RFX3: variants seen among roughly 807,000 people sequenced by gnomAD.
The protein encoded by RFX3 is transcription factor RFX3.
RFX3 carries 14 observed loss-of-function variants against 98.6 expected under a neutral mutation model. That is an observed-to-expected ratio of 0.14 (90% CI 0.09 to 0.22). The LOEUF (loss-of-function observed/expected upper bound fraction) is 0.22. Ranked by LOEUF, RFX3 falls within the 10% of genes least tolerant of loss-of-function variation. RFX3 has a pLI of 1.00. For missense variants in RFX3, 639 were observed against 926.9 expected (o/e 0.69, Z 4.03); for synonymous variants, 383 against 328.4 (o/e 1.17, Z -1.80).
At chr9:3,228,379 C>A (rs1425457551) in intron 16 of RFX3, among the ~76,000 whole-genome samples, 1 of 152,160 alleles carries the variant, frequency 6.6e-6, no homozygotes. Flanking sequence ...CCTTTTTCAT[C>A]TATACCACTA....
intron 1 of RFX3, among the ~76,000 whole-genome samples, chr9:3,462,175 C>A (rs888233000): frequency 1.3e-5 from 2 of 151,910 alleles, no homozygotes; most frequent in African/African-American, 4.8e-5. Flanking sequence ...AGACAAATAA[C>A]AAAATATCTG....
intron 1 of RFX3, among the ~76,000 whole-genome samples, chr9:3,492,478 G>T (rs944477942): frequency 1.3e-5 from 2 of 152,192 alleles, no homozygotes; most frequent in African/African-American, 4.8e-5. Context: ...TGCTCCCCGA[G>T]TCCTTCAGAC....
At chr9:3,417,239 T>A (rs1480226302) in intron 1 of RFX3, among the ~76,000 whole-genome samples, 1 of 151,952 alleles carries the variant, frequency 6.6e-6, no homozygotes, top group Non-Finnish European at 1.5e-5. Flanking sequence ...AATAATAAAA[T>A]GCAGTATTAT....
intron 15 of RFX3, among the ~76,000 whole-genome samples, chr9:3,236,765 T>C (rs1819210030): frequency 6.6e-6 from 1 of 152,148 alleles, no homozygotes; most frequent in African/African-American, 2.4e-5. Context: ...TATGTGAAAA[T>C]GTTAACCAGA....
chr9:3,505,886 T>A (rs927712510), intron 1 of RFX3, among the ~76,000 whole-genome samples: 1 of 151,762 alleles, frequency 6.6e-6, no homozygotes, highest in East Asian at 1.9e-4. Flanking sequence ...ATTGTTTGAA[T>A]GTGAGTTCCT....
chr9:3,409,099 A>G (rs969562444), intron 1 of RFX3, among the ~76,000 whole-genome samples: 2 of 152,250 alleles, frequency 1.3e-5, no homozygotes, highest in Non-Finnish European at 2.9e-5. Context: ...GTAATCCAGC[A>G]CTGTGGCCTA....
At chr9:3,367,944 A>G (rs1837396201) in intron 2 of RFX3, among the ~76,000 whole-genome samples, 1 of 152,204 alleles carries the variant, frequency 6.6e-6, no homozygotes, top group Admixed American at 6.5e-5. Flanking sequence ...TTGAAAATCT[A>G]TTTCACAAGA....
At chr9:3,330,649 A>T in intron 3 of RFX3, 132 bp from the exon 4 acceptor site, 1 of 766,114 alleles carries the variant, frequency 1.3e-6, no homozygotes, top group South Asian at 1.9e-5. Context: ...CGCATTTTGT[A>T]CAAAACTTCA....
At chr9:3,447,121 C>T (rs1028469529) in intron 1 of RFX3, among the ~76,000 whole-genome samples, 3 of 151,984 alleles carry the variant, frequency 2.0e-5, no homozygotes, top group African/African-American at 7.2e-5. Context: ...AAAATTCACA[C>T]CTTGATAATT....
At chr9:3,246,957 A>AT in intron 15 of RFX3, 6 of 603,108 alleles carry the variant, frequency 9.9e-6, no homozygotes, top group Non-Finnish European at 1.2e-5. Flanking sequence ...ATACTAGAAT[A>AT]TTAGGGAGGT....
At chr9:3,446,248 T>G (rs1203215906) in intron 1 of RFX3, among the ~76,000 whole-genome samples, 4 of 152,106 alleles carry the variant, frequency 2.6e-5, no homozygotes. Context: ...GGTATACAAG[T>G]TGCCATAACT....
chr9:3,266,179 A>T (rs777710236), intron 12 of RFX3, 29 bp downstream of exon 12: 2 of 1,374,054 alleles, frequency 1.5e-6, no homozygotes, highest in Non-Finnish European at 2.1e-6. Context: ...TCCTCAACAC[A>T]AAAGAAAAAG....
At chr9:3,484,866 T>A (rs1850111856) in intron 1 of RFX3, among the ~76,000 whole-genome samples, 1 of 151,904 alleles carries the variant, frequency 6.6e-6, no homozygotes, top group African/African-American at 2.4e-5. Context: ...GAAGGCTCAC[T>A]TGAGGACAGG....
chr9:3,413,532 C>G (rs35079722), intron 1 of RFX3, among the ~76,000 whole-genome samples: 12,730 of 152,042 alleles, frequency 0.084, 569 homozygotes, highest in East Asian at 0.1. Context: ...TTCAGTTTAA[C>G]TTAACAAGAC....
At chr9:3,348,079 C>A (rs1185665058) in intron 2 of RFX3, among the ~76,000 whole-genome samples, 2 of 152,134 alleles carry the variant, frequency 1.3e-5, no homozygotes, top group Non-Finnish European at 2.9e-5. Context: ...TTGATATTTT[C>A]TTTCTCTTTG....
intron 1 of RFX3, among the ~76,000 whole-genome samples, chr9:3,416,992 C>A (rs999741562): frequency 5.3e-5 from 8 of 151,850 alleles, no homozygotes; most frequent in Non-Finnish European, 1.2e-4. Flanking sequence ...ACAAGAAATG[C>A]ACTTTAAATA....
In RFX3 at chr9:3,266,384, C is replaced by T. The variant is rs1184493079; in HGVS notation, c.1358-79G>A. On this transcript the variant is annotated intron_variant, in intron 11 of 16. Transcript: ENST00000617270. Reference sequence around the variant, plus strand: ...GTTTGTGCTAGAATAAAAGAAAATGCTCGTACACAATATCTGATACAGCAC... The same window carrying T: ...GTTTGTGCTAGAATAAAAGAAAATGTTCGTACACAATATCTGATACAGCAC... 1.5e-5 allele frequency: 13 copies of T among 854,222 alleles called. No individual in the cohort carries two copies. The East Asian group carries it at 3.4e-4, about 22-fold the overall frequency. The allele number at this position is 854,222 out of a possible 1,614,324, so 52.9% of individuals were successfully genotyped here.
intron 1 of RFX3, among the ~76,000 whole-genome samples, chr9:3,402,925 A>G (rs1454698904): frequency 1.3e-5 from 2 of 152,010 alleles, no homozygotes; most frequent in African/African-American, 4.8e-5. Flanking sequence ...ACAACAAAAA[A>G]ACACCTAAGG....
intron 4 of RFX3, among the ~76,000 whole-genome samples, chr9:3,320,406 T>C (rs1176876756): frequency 6.6e-6 from 1 of 151,758 alleles, no homozygotes; most frequent in Non-Finnish European, 1.5e-5. Context: ...TTACAAAAGC[T>C]AGCCGGGTGT....
Sources: allele counts gnomAD v4.1 joint callset (sites outside exome capture counted in the v4.1 genomes callset), GRCh38; gene constraint gnomAD v4.1.1; transcripts MANE v1.5; gene names NCBI Gene and HGNC (gene_info 2026-07-23, HGNC 2026-07-21).